Variants in TSHZ2 observed in about 807,000 individuals in gnomAD.
The protein encoded by TSHZ2 is teashirt zinc finger homeobox 2.
A neutral mutation model predicts 74.4 loss-of-function variants in TSHZ2; 21 were observed. The ratio of observed to expected loss-of-function variants is 0.28; its 90% CI spans 0.20 to 0.41. TSHZ2 has a LOEUF of 0.41. Ranked by LOEUF, TSHZ2 falls within the 10% of genes least tolerant of loss-of-function variation. The pLI is 1.00. For missense variants in TSHZ2, 1,244 were observed against 1,293.5 expected (o/e 0.96, Z 0.59); for synonymous variants, 540 against 515.3 (o/e 1.05, Z -0.65).
At position 53,489,558 on chromosome 20, in the gene TSHZ2, A is replaced by G. The variant is rs1185459241; in HGVS notation, c.*2423A>G. 5.6e-6 allele frequency: 1 copy of G among 177,078 alleles called. No individual in the cohort carries two copies. Among genetic ancestry groups the G allele is most frequent in the East Asian group, 1.5e-4 (1 of 6,752 alleles). The allele number at this position is 177,078 out of a possible 1,614,324, so 11.0% of individuals were successfully genotyped here. On this transcript the variant is annotated 3_prime_UTR_variant, in exon 3 of 3. Transcript: ENST00000371497. ...TTGCTCCAATGGGGGGAGGAGATCA[A>G]TACAATTCCCAATTCCATGGAAATT... is the stretch of plus-strand genomic sequence containing the variant.
chr20:53,393,697 G>A (rs1219832519), intron 2 of TSHZ2, among the ~76,000 whole-genome samples: 1 of 138,716 alleles, frequency 7.2e-6, no homozygotes, highest in African/African-American at 2.7e-5. Context: ...CACACAAATT[G>A]TAAAAACTAA....
intron 2 of TSHZ2, among the ~76,000 whole-genome samples, chr20:53,297,315 A>G (rs1991397538): frequency 6.7e-6 from 1 of 149,490 alleles, no homozygotes. Context: ...CAGTGATGCA[A>G]TCAGGCTCAC....
chr20:53,484,900 T>C (rs1351821262), intron 2 of TSHZ2, among the ~76,000 whole-genome samples: 2 of 152,226 alleles, frequency 1.3e-5, no homozygotes, highest in Non-Finnish European at 2.9e-5. Context: ...GTCTTTATCC[T>C]TCCACTAGAA....
chr20:53,062,002 C>G (rs1395742533), intron 1 of TSHZ2, among the ~76,000 whole-genome samples: 2 of 152,082 alleles, frequency 1.3e-5, no homozygotes, highest in Non-Finnish European at 2.9e-5. Flanking sequence ...AACACTTAAG[C>G]AAGAATTAGC....
intron 2 of TSHZ2, among the ~76,000 whole-genome samples, chr20:53,313,718 A>G (rs1978881041): frequency 2.0e-5 from 3 of 152,228 alleles, no homozygotes; most frequent in Admixed American, 6.5e-5. Flanking sequence ...AACCTGCACA[A>G]GCTACTTGAC....
chr20:53,465,988 T>C (rs1433570823), intron 2 of TSHZ2, among the ~76,000 whole-genome samples: 2 of 138,624 alleles, frequency 1.4e-5, no homozygotes, highest in African/African-American at 5.3e-5. Context: ...AAAAAAAGAC[T>C]GTAATCCCAG....
intron 1 of TSHZ2, among the ~76,000 whole-genome samples, chr20:53,200,718 T>G (rs1242469130): frequency 2.0e-5 from 3 of 152,204 alleles, no homozygotes; most frequent in Non-Finnish European, 4.4e-5. Context: ...GAAACTATAG[T>G]TGGTACCGAC....
At chr20:53,018,780 C>G (rs1158822613) in intron 1 of TSHZ2, among the ~76,000 whole-genome samples, 1 of 151,462 alleles carries the variant, frequency 6.6e-6, no homozygotes, top group Non-Finnish European at 1.5e-5. Flanking sequence ...AAGCTTAATT[C>G]AGGACACAAC....
rs145557474 is a variant in TSHZ2 at position 53,236,410 on chromosome 20, T to C, written c.41-17089T>C. ...AACCTTATTTTTCCCATAAGTGCTA[T>C]AATTTTAACTGCAAAGCTGTGCAAA... is the stretch of plus-strand genomic sequence containing the variant. On this transcript the variant is annotated intron_variant, in intron 1 of 2. Transcript: ENST00000371497. 3.3e-5 allele frequency among the ~76,000 whole-genome samples: 5 copies of C among 152,374 alleles called. No homozygotes were observed. In the East Asian group the frequency reaches 9.6e-4, roughly 29 times the overall value.
chr20:53,163,339 G>C (rs1489935968), intron 1 of TSHZ2, among the ~76,000 whole-genome samples: 1 of 132,934 alleles, frequency 7.5e-6, no homozygotes, highest in African/African-American at 2.7e-5. Flanking sequence ...TCCATCTTAA[G>C]TGCACGCACG....
intron 1 of TSHZ2, among the ~76,000 whole-genome samples, chr20:53,153,267 T>C (rs1018072245): frequency 2.0e-5 from 3 of 152,112 alleles, no homozygotes; most frequent in Non-Finnish European, 2.9e-5. Context: ...CTATCAGAGC[T>C]CAAAGAGCAG....
intron 2 of TSHZ2, among the ~76,000 whole-genome samples, chr20:53,351,404 A>T (rs745914924): frequency 6.6e-6 from 1 of 152,232 alleles, no homozygotes. Flanking sequence ...AGAATCTATG[A>T]TGGAGAAAAA....
At chr20:53,442,620 C>T (rs1290363190) in intron 2 of TSHZ2, among the ~76,000 whole-genome samples, 2 of 152,156 alleles carry the variant, frequency 1.3e-5, no homozygotes, top group African/African-American at 2.4e-5. Flanking sequence ...AGAGATCGCT[C>T]ATCGCTCTGT....
intron 1 of TSHZ2, among the ~76,000 whole-genome samples, chr20:53,014,178 G>T (rs1023519937): frequency 2.7e-5 from 4 of 147,794 alleles, no homozygotes; most frequent in African/African-American, 1.0e-4. Context: ...TGTAGAAGAA[G>T]CCATCTCTTC....
At chr20:53,288,222 G>A (rs1219505975) in intron 2 of TSHZ2, among the ~76,000 whole-genome samples, 1 of 152,046 alleles carries the variant, frequency 6.6e-6, no homozygotes, top group Admixed American at 6.6e-5. Context: ...TAGCTAACAT[G>A]GTAAAACCCT....
At chr20:53,248,387 A>G (rs571088595) in intron 1 of TSHZ2, among the ~76,000 whole-genome samples, 1 of 152,262 alleles carries the variant, frequency 6.6e-6, no homozygotes, top group South Asian at 2.1e-4. Context: ...AACTTTTCAT[A>G]TGAAAGAAAA....
In TSHZ2 at chr20:53,494,879, G is replaced by A. The variant is rs1986544158; in HGVS notation, c.*7744G>A. 1.3e-5 allele frequency: 2 copies of A among 150,956 alleles called. No homozygotes were observed. The highest frequency in any genetic ancestry group is 2.1e-4 in the South Asian group (1 of 4,786). The allele number at this position is 150,956 out of a possible 1,614,324, so 9.4% of individuals were successfully genotyped here. On this transcript the variant is annotated 3_prime_UTR_variant, in exon 3 of 3. Coordinates refer to ENST00000371497, the MANE Select transcript of TSHZ2 (RefSeq NM_173485.6). ...TTTTTTCCCCCACTCAGCAGTTATT[G>A]GAAATAGACTGTTCCCATCTGAAAC...
intron 1 of TSHZ2, among the ~76,000 whole-genome samples, chr20:53,076,511 T>A (rs1396607636): frequency 6.6e-6 from 1 of 152,178 alleles, no homozygotes; most frequent in Admixed American, 6.5e-5. Context: ...CAGTTGTGCT[T>A]AATACTATGA....
At chr20:53,245,608 T>A (rs1249964202) in intron 1 of TSHZ2, among the ~76,000 whole-genome samples, 1 of 152,236 alleles carries the variant, frequency 6.6e-6, no homozygotes, top group East Asian at 1.9e-4. Context: ...TCCTGGCACA[T>A]AGGAATCCTC....
Sources: gnomAD v4.1 joint callset for allele counts (sites outside exome capture counted in the v4.1 genomes callset) on GRCh38, gnomAD v4.1.1 for gene constraint, MANE v1.5 for transcripts, NCBI Gene and HGNC (gene_info 2026-07-23, HGNC 2026-07-21) for gene names.